CHN1: variants seen among roughly 807,000 people sequenced by gnomAD.
CHN1 encodes N-chimaerin.
CHN1 carries 37 observed loss-of-function variants against 59.5 expected under a neutral mutation model. The ratio of observed to expected loss-of-function variants is 0.62; its 90% confidence interval spans 0.48 to 0.82. The LOEUF (loss-of-function observed/expected upper bound fraction) is 0.82, where lower values mean the gene tolerates loss of function less well. CHN1 is among the 40% of genes least tolerant of loss of function. CHN1 has a pLI of 0.00. For missense variants in CHN1, 469 were observed against 571.0 expected (o/e 0.82, Z 1.82); for synonymous variants, 206 against 200.4 (o/e 1.03, Z -0.24).
Position 174,812,427 on chromosome 2 carries a change from C to T in CHN1, c.768G>A (p.Lys256=), listed in dbSNP as rs1685108294. The T allele has an allele frequency of 6.2e-7, 1 of 1,613,964 alleles. No homozygotes were observed. Among genetic ancestry groups the T allele is most frequent in the Non-Finnish European group, 8.5e-7 (1 of 1,179,862 alleles). ...CCTTTTTGACATGCTTCAAGTCTGGCTTACAGTCATTTGGGACCATCTTGG... is the reference window on the plus strand; with the variant it reads ...CCTTTTTGACATGCTTCAAGTCTGGTTTACAGTCATTTGGGACCATCTTGG... ...QCSKMVPNDC[K]PDLKHVKKVY... is the part of the protein sequence containing the mutation. Residue 256 remains lysine, a synonymous_variant, in exon 9 of 13, where the codon AAG becomes AAA. Coordinates refer to ENST00000409900, the MANE Select transcript of CHN1 (RefSeq NM_001822.7).
intron 1 of CHN1, among the ~76,000 whole-genome samples, chr2:174,969,859 G>C (rs1690705608): frequency 6.6e-6 from 1 of 152,102 alleles, no homozygotes; most frequent in Admixed American, 6.5e-5. Context: ...AACAGTAATT[G>C]TCAGTGTGGT....
intron 5 of CHN1, among the ~76,000 whole-genome samples, chr2:174,908,259 C>T (rs965600101): frequency 3.9e-5 from 6 of 152,078 alleles, no homozygotes; most frequent in Admixed American, 3.3e-4. Context: ...ATACAGAAGC[C>T]CTTTTAAATA....
At chr2:174,811,836 A>G (rs1159563845) in intron 9 of CHN1, among the ~76,000 whole-genome samples, 1 of 152,204 alleles carries the variant, frequency 6.6e-6, no homozygotes, top group Non-Finnish European at 1.5e-5. Flanking sequence ...TCTTAAGGGA[A>G]ATAATTCATC....
At position 174,846,428 on chromosome 2, in the gene CHN1, A is replaced by G. The variant is rs769494627; in HGVS notation, c.627+452T>C. ...TGGTCAATTCATTAACAGGGGAGAA[A>G]AGACAGAAACTATGAGAAATGCAAA... On this transcript the variant is annotated intron_variant, in intron 7 of 12. Transcript: ENST00000409900. 2.0e-6 allele frequency: 3 copies of G among 1,536,954 alleles called. No individual in the cohort carries two copies. The African/African-American group carries it at 4.2e-5, about 21-fold the overall frequency.
chr2:174,940,630 A>T (rs768993553), intron 3 of CHN1, among the ~76,000 whole-genome samples: 27 of 152,096 alleles, frequency 1.8e-4, no homozygotes, highest in Non-Finnish European at 2.9e-4. Context: ...CTTTATAACT[A>T]GATTTAAGTT....
chr2:174,848,931 G>T (rs917756577), intron 6 of CHN1, among the ~76,000 whole-genome samples: 3 of 152,032 alleles, frequency 2.0e-5, no homozygotes, highest in Non-Finnish European at 4.4e-5. Flanking sequence ...TTTCAGATTG[G>T]ACCTATTTTG....
intron 6 of CHN1, among the ~76,000 whole-genome samples, chr2:174,867,266 T>C (rs1187880568): frequency 6.6e-6 from 1 of 151,714 alleles, no homozygotes; most frequent in East Asian, 1.9e-4. Context: ...GTCCCAGCTA[T>C]TCGGGAGGCT....
chr2:174,830,089 C>G (rs1685821295), intron 7 of CHN1, among the ~76,000 whole-genome samples: 1 of 151,876 alleles, frequency 6.6e-6, no homozygotes, highest in African/African-American at 2.4e-5. Context: ...AAAGAATAGC[C>G]AGGTGTGGTG....
intron 1 of CHN1, among the ~76,000 whole-genome samples, chr2:174,972,186 G>C (rs1690780040): frequency 6.6e-6 from 1 of 152,102 alleles, no homozygotes; most frequent in African/African-American, 2.4e-5. Flanking sequence ...GCTCAAGCTT[G>C]AGTATAACCT....
intron 5 of CHN1, among the ~76,000 whole-genome samples, chr2:174,889,967 CA>C (rs1174367892): frequency 6.7e-6 from 1 of 150,146 alleles, no homozygotes; most frequent in Non-Finnish European, 1.5e-5. Context: ...CAAACCATAT[CA>C]ATAAAAAAAC....
rs1469560434 is a variant in CHN1 at position 174,799,518 on chromosome 2, T to C, written c.*598A>G. ...CTGTGTTGTACACTTTTTATTGGTA[T>C]GGATAACCTTTATTAAAGTAACAAA... On this transcript the variant is annotated 3_prime_UTR_variant, in exon 13 of 13. Transcript: ENST00000409900. 3 of 517,854 alleles carry C rather than the reference T, an allele frequency of 5.8e-6. No individual in the cohort carries two copies. Among genetic ancestry groups the C allele is most frequent in the East Asian group, 4.2e-5 (1 of 23,842 alleles). 32.1% of individuals were successfully genotyped at this position (517,854 alleles called of 1,614,324 possible).
chr2:174,923,624 T>C (rs945333905), intron 3 of CHN1, among the ~76,000 whole-genome samples: 4 of 152,196 alleles, frequency 2.6e-5, no homozygotes, highest in African/African-American at 7.2e-5. Flanking sequence ...ACTCTACTTA[T>C]CAAGGAAAAT....
chr2:174,922,518 C>T (rs1227920354), intron 3 of CHN1, among the ~76,000 whole-genome samples: 1 of 152,116 alleles, frequency 6.6e-6, no homozygotes, highest in African/African-American at 2.4e-5. Flanking sequence ...AGCAAGACCC[C>T]TATCTCTACA....
chr2:174,971,764 T>G (rs1458329579), intron 1 of CHN1, among the ~76,000 whole-genome samples: 1 of 152,174 alleles, frequency 6.6e-6, no homozygotes, highest in Non-Finnish European at 1.5e-5. Flanking sequence ...TGCCTCCAGA[T>G]CTCATACTCC....
At chr2:174,963,352 G>T (rs1218362222) in intron 1 of CHN1, among the ~76,000 whole-genome samples, 1 of 152,192 alleles carries the variant, frequency 6.6e-6, no homozygotes, top group African/African-American at 2.4e-5. Flanking sequence ...CGAATGGAAG[G>T]AAAGAAGGAA....
chr2:174,987,273 T>A (rs1459391039), intron 1 of CHN1, among the ~76,000 whole-genome samples: 2 of 152,058 alleles, frequency 1.3e-5, no homozygotes, highest in Non-Finnish European at 2.9e-5. Flanking sequence ...TGTTCAAGGG[T>A]CAACTCTAGT....
intron 3 of CHN1, among the ~76,000 whole-genome samples, chr2:174,937,081 CTAGA>C (rs1689518827): frequency 1.3e-5 from 2 of 152,066 alleles, no homozygotes; most frequent in Admixed American, 1.3e-4. Context: ...TTTATTATTG[CTAGA>C]TATTTTGCAT....
intron 6 of CHN1, chr2:174,847,599 G>A (rs2105436942): frequency 1.5e-6 from 2 of 1,313,926 alleles, no homozygotes; most frequent in East Asian, 8.2e-5. Context: ...CCCTAGCAGG[G>A]AAGGTGGGGG....
At chr2:174,805,579 T>A (rs941343830) in intron 11 of CHN1, among the ~76,000 whole-genome samples, 2 of 151,942 alleles carry the variant, frequency 1.3e-5, no homozygotes, top group African/African-American at 4.8e-5. Flanking sequence ...GTGATGGGAA[T>A]CAGAGGAGAA....
Sources: allele counts gnomAD v4.1 joint callset (sites outside exome capture counted in the v4.1 genomes callset), GRCh38; gene constraint gnomAD v4.1.1; transcripts MANE v1.5; gene names NCBI Gene and HGNC (gene_info 2026-07-23, HGNC 2026-07-21).